RHBDD1: variants seen among roughly 807,000 people sequenced by gnomAD.
The protein encoded by RHBDD1 is rhomboid domain containing 1.
Under a neutral mutation model 36.3 loss-of-function variants are expected in RHBDD1, and 38 were observed. The ratio of observed to expected loss-of-function variants is 1.05; its 90% CI spans 0.81 to 1.37. The LOEUF is 1.37. Ranked by LOEUF, RHBDD1 falls within the 40% of genes most tolerant of loss-of-function variation. RHBDD1 has a pLI of 0.00. For synonymous variants in RHBDD1, 151 were observed against 136.5 expected (o/e 1.11, Z -0.74); for missense variants, 393 against 377.6 (o/e 1.04, Z -0.34).
At chr2:226,871,656 T>A (rs1348117492) in intron 5 of RHBDD1, among the ~76,000 whole-genome samples, 1 of 152,216 alleles carries the variant, frequency 6.6e-6, no homozygotes, top group East Asian at 1.9e-4. Flanking sequence ...TCTAGACTTG[T>A]CTGCTTGTTT....
rs925769200 is a variant in RHBDD1 at position 226,988,524 on chromosome 2, C to A, written c.857-6907C>A. ...GGCCTTGCGAGGTGGATAGCAGCTG[C>A]CCGCACTGTGCCAGGCTGGCCCTCT... On this transcript the variant is annotated intron_variant, in intron 8 of 8. Transcript: ENST00000392062. 6.0e-6 allele frequency: 9 copies of A among 1,501,940 alleles called. 1 individual carries two copies. The highest frequency in any genetic ancestry group is 1.4e-5 in the African/African-American group (1 of 71,396). 93.0% of individuals were successfully genotyped at this position (1,501,940 alleles called of 1,614,324 possible).
At chr2:226,898,290 A>G (rs1332288768) in intron 5 of RHBDD1, among the ~76,000 whole-genome samples, 2 of 152,222 alleles carry the variant, frequency 1.3e-5, no homozygotes, top group Non-Finnish European at 2.9e-5. Context: ...AGGAATTGCT[A>G]AACATTGTCT....
Position 226,840,355 on chromosome 2 carries a change from T to C in RHBDD1, c.-91+728T>C, listed in dbSNP as rs548461698. Reference sequence around the variant, plus strand: ...CAATGTGTGCATTCCGGTTTGCATGTTGGGGTTATTTACCATCTAGTTTCT... The same window carrying C: ...CAATGTGTGCATTCCGGTTTGCATGCTGGGGTTATTTACCATCTAGTTTCT... On this transcript the variant is annotated intron_variant, in intron 3 of 8. Transcript: ENST00000392062. 4.6e-5 allele frequency among the ~76,000 whole-genome samples: 7 copies of C among 152,328 alleles called. No individual in the cohort carries two copies. In the South Asian group the frequency reaches 1.5e-3, roughly 32 times the overall value.
intron 8 of RHBDD1, among the ~76,000 whole-genome samples, chr2:226,929,982 A>G (rs749479292): frequency 3.9e-5 from 6 of 152,080 alleles, no homozygotes; most frequent in Non-Finnish European, 7.4e-5. Flanking sequence ...AAGGAAAACT[A>G]TAAAATACTA....
upstream of RHBDD1, among the ~76,000 whole-genome samples, chr2:226,834,178 T>A (rs1940812361): frequency 6.6e-6 from 1 of 152,194 alleles, no homozygotes; most frequent in Non-Finnish European, 1.5e-5. Context: ...AAGAAAATGA[T>A]GCAATTATAG....
chr2:226,879,072 CAAAAAA>C (rs916415771), intron 5 of RHBDD1, among the ~76,000 whole-genome samples: 5 of 84,090 alleles, frequency 5.9e-5, no homozygotes, highest in Non-Finnish European at 8.0e-5. Context: ...ACTGGCATTC[CAAAAAA>C]AAAAAAAAAA....
At chr2:226,836,470 C>T (rs1168575443) in intron 1 of RHBDD1, among the ~76,000 whole-genome samples, 1 of 152,236 alleles carries the variant, frequency 6.6e-6, no homozygotes, top group Non-Finnish European at 1.5e-5. Context: ...CATGCAGTTT[C>T]AGGTGCTCTC....
At chr2:226,859,895 G>A (rs1438016634) in intron 3 of RHBDD1, among the ~76,000 whole-genome samples, 1 of 152,200 alleles carries the variant, frequency 6.6e-6, no homozygotes, top group Non-Finnish European at 1.5e-5. Flanking sequence ...ATAGTTAGTG[G>A]CTATCAGAGG....
chr2:226,886,321 A>C (rs1017884460), intron 5 of RHBDD1, among the ~76,000 whole-genome samples: 1 of 152,216 alleles, frequency 6.6e-6, no homozygotes, highest in East Asian at 1.9e-4. Context: ...CCAGCTAAAG[A>C]TAAATAGCAA....
At chr2:226,810,263 G>A in the RHBDD1 span, among the ~76,000 whole-genome samples, 14 of 151,858 alleles carry the variant, frequency 9.2e-5, no homozygotes, top group South Asian at 4.2e-4. Context: ...GTATTGACGG[G>A]GCATGGTGGC....
At chr2:226,865,672 C>A (rs1421814872) in intron 4 of RHBDD1, among the ~76,000 whole-genome samples, 3 of 152,126 alleles carry the variant, frequency 2.0e-5, no homozygotes, top group African/African-American at 4.8e-5. Flanking sequence ...TGTGTGTGTT[C>A]CTTGCATGCA....
In RHBDD1 at chr2:226,983,243, A is replaced by G. The variant is rs115380229; in HGVS notation, c.857-12188A>G. ...ATCTGGAATCTTCCATTAGAACCCT[A>G]GAATCTGCCTCTCACCAAGCTCCCC... On this transcript the variant is annotated intron_variant, in intron 8 of 8. Transcript: ENST00000392062. 3.1e-3 allele frequency among the ~76,000 whole-genome samples: 472 copies of G among 152,212 alleles called. 2 individuals carry two copies. The highest frequency in any genetic ancestry group is 0.011 in the African/African-American group (443 of 41,530).
chr2:226,988,591 G>C, intron 8 of RHBDD1: 2 of 1,366,800 alleles, frequency 1.5e-6, no homozygotes, highest in African/African-American at 1.5e-5. Flanking sequence ...CATCAGAAGA[G>C]GCCGGGGGCT....
the RHBDD1 span, chr2:226,807,717 A>G: frequency 6.6e-6 from 1 of 152,254 alleles, no homozygotes. Context: ...GGGATCATGT[A>G]AGCCTTTGTA....
the RHBDD1 span, among the ~76,000 whole-genome samples, chr2:226,812,833 A>T: frequency 6.6e-6 from 1 of 152,260 alleles, no homozygotes; most frequent in Non-Finnish European, 1.5e-5. Flanking sequence ...TGATAACTAA[A>T]TATGATTAAA....
chr2:226,914,085 G>A, intron 7 of RHBDD1, 123 bp from the exon 8 acceptor site: 1 of 855,512 alleles, frequency 1.2e-6, no homozygotes, highest in Non-Finnish European at 1.8e-6. Context: ...TTCTTATTTT[G>A]AGGATAATTA....
intron 5 of RHBDD1, among the ~76,000 whole-genome samples, chr2:226,875,626 G>A (rs905691725): frequency 1.3e-5 from 2 of 152,192 alleles, no homozygotes; most frequent in Admixed American, 6.5e-5. Flanking sequence ...ATTAGGAGGC[G>A]CTGCAGAGGA....
At chr2:226,983,992 A>G (rs995559773) in intron 8 of RHBDD1, among the ~76,000 whole-genome samples, 8 of 152,236 alleles carry the variant, frequency 5.3e-5, no homozygotes, top group African/African-American at 1.9e-4. Context: ...CTGCTCGTAT[A>G]GGAGGGTGAG....
intron 8 of RHBDD1, among the ~76,000 whole-genome samples, chr2:226,949,309 C>T (rs1473571268): frequency 6.6e-6 from 1 of 152,080 alleles, no homozygotes; most frequent in African/African-American, 2.4e-5. Context: ...GTCTGTATAG[C>T]CAAGACAATC....
Sources: allele counts gnomAD v4.1 joint callset (sites outside exome capture counted in the v4.1 genomes callset), GRCh38; gene constraint gnomAD v4.1.1; transcripts MANE v1.5; gene names NCBI Gene and HGNC (gene_info 2026-07-23, HGNC 2026-07-21).